ENTREP2: variants seen among roughly 807,000 people sequenced by gnomAD.
The protein encoded by ENTREP2 is protein ENTREP2.
chr15:29,496,979 G>C, the ENTREP2 span, among the ~76,000 whole-genome samples: 1 of 152,128 alleles, frequency 6.6e-6, no homozygotes, highest in Non-Finnish European at 1.5e-5. Context: ...TAATGTGTTA[G>C]AAACTTAATC....
At chr15:29,281,448 G>A in the ENTREP2 span, among the ~76,000 whole-genome samples, 1 of 150,438 alleles carries the variant, frequency 6.6e-6, no homozygotes, top group South Asian at 2.1e-4. Flanking sequence ...TCTTAAAAAA[G>A]AAGATTGTAG....
the ENTREP2 span, among the ~76,000 whole-genome samples, chr15:29,229,041 T>C: frequency 6.6e-6 from 1 of 152,284 alleles, no homozygotes; most frequent in African/African-American, 2.4e-5. Flanking sequence ...GAAAATGCTA[T>C]GGAAAATTAA....
the ENTREP2 span, among the ~76,000 whole-genome samples, chr15:29,408,727 T>A: frequency 6.6e-6 from 1 of 152,196 alleles, no homozygotes; most frequent in Non-Finnish European, 1.5e-5. Flanking sequence ...CCCAATTTCA[T>A]CTTTCAAGCC....
At chr15:29,351,509 C>A in the ENTREP2 span, among the ~76,000 whole-genome samples, 1 of 151,096 alleles carries the variant, frequency 6.6e-6, no homozygotes, top group Non-Finnish European at 1.5e-5. Flanking sequence ...GTTTATACTC[C>A]AAGAATGAAA....
the ENTREP2 span, among the ~76,000 whole-genome samples, chr15:29,372,409 GT>G: frequency 6.6e-6 from 1 of 152,124 alleles, no homozygotes; most frequent in African/African-American, 2.4e-5. Context: ...CAAAATATGT[GT>G]TAGTTGACTA....
At chr15:29,311,887 G>T in the ENTREP2 span, among the ~76,000 whole-genome samples, 2 of 152,140 alleles carry the variant, frequency 1.3e-5, no homozygotes, top group Non-Finnish European at 2.9e-5. Flanking sequence ...TTCCAGAAAT[G>T]CAAGAGTGAT....
At chr15:29,527,824 G>GC in the ENTREP2 span, among the ~76,000 whole-genome samples, 2 of 152,056 alleles carry the variant, frequency 1.3e-5, no homozygotes, top group Non-Finnish European at 2.9e-5. Flanking sequence ...TTCAAAGTAA[G>GC]CCCCCCTCAG....
the ENTREP2 span, among the ~76,000 whole-genome samples, chr15:29,314,221 A>G: frequency 6.6e-6 from 1 of 152,266 alleles, no homozygotes; most frequent in Non-Finnish European, 1.5e-5. Context: ...AACTTAGTTC[A>G]TAAAGCAGCA....
chr15:29,277,532 C>T, the ENTREP2 span, among the ~76,000 whole-genome samples: 1 of 152,048 alleles, frequency 6.6e-6, no homozygotes, highest in African/African-American at 2.4e-5. Flanking sequence ...TGAGGATCCC[C>T]GCCTGCAGTT....
chr15:29,417,465 G>A, the ENTREP2 span, among the ~76,000 whole-genome samples: 69 of 152,256 alleles, frequency 4.5e-4, no homozygotes, highest in South Asian at 8.3e-4. Context: ...GACACAGTAA[G>A]GGGAACATCA....
chr15:29,286,333 A>G, the ENTREP2 span, among the ~76,000 whole-genome samples: 2 of 152,264 alleles, frequency 1.3e-5, no homozygotes, highest in Non-Finnish European at 2.9e-5. Context: ...GTAGCTCGAT[A>G]TAAGGTTAAT....
the ENTREP2 span, among the ~76,000 whole-genome samples, chr15:29,272,079 C>T: frequency 2.6e-5 from 4 of 152,118 alleles, no homozygotes; most frequent in African/African-American, 9.7e-5. Context: ...AGCAGACTGT[C>T]ATTACTCAAG....
chr15:29,608,620 T>C, the ENTREP2 span, among the ~76,000 whole-genome samples: 2 of 151,300 alleles, frequency 1.3e-5, no homozygotes, highest in Non-Finnish European at 2.9e-5. Context: ...AGTGGCGCCA[T>C]CTCGGCTCAC....
chr15:29,654,546 C>T, the ENTREP2 span, among the ~76,000 whole-genome samples: 1 of 152,162 alleles, frequency 6.6e-6, no homozygotes, highest in Non-Finnish European at 1.5e-5. Context: ...TTCCCCATTT[C>T]TATCAAGCAT....
the ENTREP2 span, among the ~76,000 whole-genome samples, chr15:29,673,412 A>G: frequency 2.4e-3 from 365 of 152,256 alleles, no homozygotes; most frequent in African/African-American, 8.4e-3. Flanking sequence ...CTGTGGTTCA[A>G]ACACCTCTGA....
the ENTREP2 span, among the ~76,000 whole-genome samples, chr15:29,579,200 C>A: frequency 6.6e-6 from 1 of 152,144 alleles, no homozygotes; most frequent in Non-Finnish European, 1.5e-5. Context: ...AACTCCTTCA[C>A]TTTTATTTTA....
At chr15:29,549,924 T>C in the ENTREP2 span, among the ~76,000 whole-genome samples, 1 of 152,128 alleles carries the variant, frequency 6.6e-6, no homozygotes, top group African/African-American at 2.4e-5. Context: ...CAGAGTGAGT[T>C]GGGGTGGAGT....
chr15:29,366,476 C>T, the ENTREP2 span, among the ~76,000 whole-genome samples: 1 of 152,106 alleles, frequency 6.6e-6, no homozygotes, highest in Non-Finnish European at 1.5e-5. Context: ...ATGCACGGTT[C>T]CTGACAAAGT....
the ENTREP2 span, among the ~76,000 whole-genome samples, chr15:29,667,871 A>C: frequency 6.6e-6 from 1 of 151,870 alleles, no homozygotes; most frequent in Non-Finnish European, 1.5e-5. Context: ...TAGAGTCGCT[A>C]TTTGCTCTAC....
Sources: allele counts gnomAD v4.1 joint callset (sites outside exome capture counted in the v4.1 genomes callset), GRCh38; gene constraint gnomAD v4.1.1; transcripts MANE v1.5; gene names NCBI Gene and HGNC (gene_info 2026-07-23, HGNC 2026-07-21).